The following ASS1 variants were observed in gnomAD, a reference collection of about 807,000 sequenced individuals.
ASS1 encodes the protein argininosuccinate synthase 1, also known as argininosuccinate synthase.
Under a neutral mutation model 60.5 loss-of-function variants are expected in ASS1, and 58 were observed. That is an observed-to-expected ratio of 0.96 (90% CI 0.78 to 1.19). ASS1 has a LOEUF of 1.19. ASS1 is among the 50% of genes most tolerant of loss of function. The probability of loss-of-function intolerance (pLI) is 0.00; values close to 1 mark genes in which losing one functional copy is unlikely to be tolerated. For missense variants in ASS1, 454 were observed against 547.3 expected, an observed-to-expected ratio of 0.83 and a Z score of 1.70; for synonymous variants, 200 against 206.9, an observed-to-expected ratio of 0.97 and a Z score of 0.29.
rs148681516 is a variant in ASS1 at position 130,494,768 on chromosome 9, C to T, written c.971-99C>T. The T allele has an allele frequency of 1.1e-4, 167 of 1,478,200 alleles. No homozygotes were observed. In the Admixed American group the frequency reaches 1.3e-3, roughly 11 times the overall value. The allele number at this position is 1,478,200 out of a possible 1,614,324, so 91.6% of individuals were successfully genotyped here. A position where few individuals can be genotyped will look rare whatever the true frequency, so the allele number is the denominator to read the frequency against. ...CGGGAGGCAGTCATGGTCTGCATGG[C>T]GGGGTAAACCATGGGGCACCCTTCC... On this transcript the variant is annotated intron_variant, in intron 12 of 14. Coordinates refer to ENST00000352480, the MANE Select transcript of ASS1 (RefSeq NM_054012.4). The surrounding 1 kb of genome is among the most constrained non-coding windows in gnomAD (Gnocchi z 4.3).
intron 1 of ASS1, among the ~76,000 whole-genome samples, chr9:130,449,988 G>A (rs930923105): frequency 2.0e-5 from 3 of 152,186 alleles, no homozygotes; most frequent in Non-Finnish European, 4.4e-5. Flanking sequence ...ATGTCAAGTA[G>A]ACCTCAATAG....
rs1238649149 is a variant in ASS1 at position 130,491,038 on chromosome 9, C to A, written c.970+1574C>A. On this transcript the variant is annotated intron_variant, in intron 12 of 14. Transcript: ENST00000352480. This position sits in a 1 kb window ranked among gnomAD's most constrained non-coding sequence, Gnocchi z 5.3. ...AGCTCTCCTCCCCTCGCCTCTCCCC[C>A]TCCACTCCCAGATTTTGTTTCCTTT... Among the ~76,000 whole-genome samples the A allele has an allele frequency of 6.6e-6, 1 of 152,308 alleles. No homozygotes were observed.
At chr9:130,482,016 G>A (rs1420940037) in intron 11 of ASS1, among the ~76,000 whole-genome samples, 1 of 152,132 alleles carries the variant, frequency 6.6e-6, no homozygotes, top group Non-Finnish European at 1.5e-5. Flanking sequence ...AGCTGGGAGG[G>A]ACCTTGAGGA....
At chr9:130,498,275 G>A (rs557820813) in intron 13 of ASS1, among the ~76,000 whole-genome samples, 3 of 152,186 alleles carry the variant, frequency 2.0e-5, no homozygotes, top group Non-Finnish European at 4.4e-5. Context: ...CCTACCTCGA[G>A]AACCTTGAGT....
At position 130,466,805 on chromosome 9, in the gene ASS1, G is replaced by C. The variant is rs1291716893; in HGVS notation, c.495+6G>C. 2 of 1,613,826 alleles carry C rather than the reference G, an allele frequency of 1.2e-6. No individual in the cohort carries two copies. The highest frequency in any genetic ancestry group is 8.5e-7 in the Non-Finnish European group (1 of 1,179,902). On this transcript the variant is annotated splice_donor_region_variant and intron_variant, in intron 6 of 14. Coordinates refer to ENST00000352480, the MANE Select transcript of ASS1 (RefSeq NM_054012.4). ...ACCTGATGGAGTACGCAAAGGTATGGCCGAGTCTCCCCACCACCCCCAACC... is the reference window on the plus strand; with the variant it reads ...ACCTGATGGAGTACGCAAAGGTATGCCCGAGTCTCCCCACCACCCCCAACC...
chr9:130,466,634 C>T, intron 5 of ASS1, 91 bp from the exon 6 acceptor site: 1 of 1,267,832 alleles, frequency 7.9e-7, no homozygotes, highest in South Asian at 1.2e-5. Flanking sequence ...CCCCATGGGC[C>T]CCTCCCAGGA....
chr9:130,496,528 C>A (rs1846606416), intron 13 of ASS1, among the ~76,000 whole-genome samples: 1 of 147,590 alleles, frequency 6.8e-6, no homozygotes, highest in African/African-American at 2.5e-5. Context: ...GAGCTGGAGG[C>A]TGCAGTGAGC....
intron 11 of ASS1, among the ~76,000 whole-genome samples, chr9:130,484,969 C>G (rs894928643): frequency 6.6e-6 from 1 of 152,194 alleles, no homozygotes; most frequent in Non-Finnish European, 1.5e-5. Context: ...GCCCGTGAGC[C>G]CTCCGGAGGC....
intron 13 of ASS1, among the ~76,000 whole-genome samples, chr9:130,498,404 A>T (rs1027551281): frequency 1.2e-4 from 18 of 152,178 alleles, no homozygotes; most frequent in African/African-American, 4.3e-4. Flanking sequence ...GAGGCATCTG[A>T]GTCCACGTGC....
chr9:130,498,528 G>A (rs551739684), intron 13 of ASS1, among the ~76,000 whole-genome samples: 1 of 152,360 alleles, frequency 6.6e-6, no homozygotes, highest in Non-Finnish European at 1.5e-5. Flanking sequence ...ACCTGGCCCA[G>A]CATCTGGCAG....
In ASS1 at chr9:130,478,781, A is replaced by G. The variant is rs1432025139; in HGVS notation, c.689-935A>G. Reference sequence around the variant, plus strand: ...ATTATTGGGCAGACTTACATTTAATAGCAATTTACAACCAAGTTATAAAAC... The same window carrying G: ...ATTATTGGGCAGACTTACATTTAATGGCAATTTACAACCAAGTTATAAAAC... On this transcript the variant is annotated intron_variant, in intron 9 of 14. Transcript: ENST00000352480. This position sits in a 1 kb window ranked among gnomAD's most constrained non-coding sequence, Gnocchi z 4.7. Among the ~76,000 whole-genome samples, 4 of 152,184 alleles carry G rather than the reference A, an allele frequency of 2.6e-5. No homozygotes were observed. In the South Asian group the frequency reaches 6.2e-4, roughly 24 times the overall value.
At chr9:130,446,536 A>T (rs1328847566) in intron 1 of ASS1, among the ~76,000 whole-genome samples, 1 of 150,902 alleles carries the variant, frequency 6.6e-6, no homozygotes, top group African/African-American at 2.4e-5. Flanking sequence ...ATGAATAGTG[A>T]CTCCTGCCTG....
At chr9:130,475,164 G>T (rs1669332706) in intron 8 of ASS1, among the ~76,000 whole-genome samples, 1 of 152,154 alleles carries the variant, frequency 6.6e-6, no homozygotes, top group Non-Finnish European at 1.5e-5. Flanking sequence ...AGAGCCACAG[G>T]CAAATGACCA....
At position 130,491,127 on chromosome 9, in the gene ASS1, C is replaced by T. The variant is rs1348965004; in HGVS notation, c.970+1663C>T. 4.6e-5 allele frequency among the ~76,000 whole-genome samples: 7 copies of T among 152,182 alleles called. No homozygotes were observed. The highest frequency in any genetic ancestry group is 7.3e-5 in the Non-Finnish European group (5 of 68,038). On this transcript the variant is annotated intron_variant, in intron 12 of 14. Coordinates refer to ENST00000352480, the MANE Select transcript of ASS1 (RefSeq NM_054012.4). This position sits in a 1 kb window ranked among gnomAD's most constrained non-coding sequence, Gnocchi z 5.3. The stretch of plus-strand genomic sequence containing the variant: ...AGAGGGCTCGATGGTTATTGGCTGG[C>T]GTTATTTCTCCCTGCCATTGTTCCT...
intron 8 of ASS1, among the ~76,000 whole-genome samples, chr9:130,475,538 C>A (rs534960060): frequency 2.0e-5 from 3 of 152,232 alleles, no homozygotes; most frequent in South Asian, 2.1e-4. Flanking sequence ...GAGGACCTCG[C>A]GGGGCTCCTG....
intron 5 of ASS1, among the ~76,000 whole-genome samples, chr9:130,465,052 A>T (rs1210318934): frequency 0.023 from 1,602 of 70,402 alleles, 21 homozygotes; most frequent in Non-Finnish European, 0.031. Flanking sequence ...ATATATATAT[A>T]TATATTTTTT....
At chr9:130,469,965 GC>G (rs1239767428) in intron 6 of ASS1, among the ~76,000 whole-genome samples, 2 of 152,192 alleles carry the variant, frequency 1.3e-5, no homozygotes, top group African/African-American at 4.8e-5. Flanking sequence ...GCTGGGTGGG[GC>G]CCCTTCAGTG....
chr9:130,501,019 T>G lies in ASS1; in HGVS notation c.1237T>G (p.Ter413GluextTer5). 2.5e-6 allele frequency: 4 copies of G among 1,612,846 alleles called. No homozygotes were observed. Among genetic ancestry groups the G allele is most frequent in the Non-Finnish European group, 3.4e-6 (4 of 1,179,746 alleles). The change falls in exon 15 of 15, where the codon TAG becomes GAG. Residue 413 changes from the stop codon to glutamate (E), a stop_lost. Coordinates refer to ENST00000352480, the MANE Select transcript of ASS1 (RefSeq NM_054012.4). ...TCTCCAGAGCAAGGTCACTGCCAAA[T>G]AGACCCGTGTACAATGAGGAGCTGG... ...HRLQSKVTAK[*>E]
chr9:130,450,610 A>G (rs1402693121), intron 1 of ASS1, among the ~76,000 whole-genome samples: 2 of 152,208 alleles, frequency 1.3e-5, no homozygotes, highest in African/African-American at 4.8e-5. Flanking sequence ...GCCCCGGCTG[A>G]CTGGCAGGTG....
Sources: allele counts gnomAD v4.1 joint callset (sites outside exome capture counted in the v4.1 genomes callset), GRCh38; gene constraint gnomAD v4.1.1; non-coding constraint Gnocchi (gnomAD v3.1); transcripts MANE v1.5; gene names NCBI Gene and HGNC (gene_info 2026-07-23, HGNC 2026-07-21).